Variants in PLAC8L1 observed in about 807,000 individuals in gnomAD.
PLAC8L1 encodes PLAC8 like 1, also known as PLAC8-like protein 1.
PLAC8L1 carries 13 observed loss-of-function variants against 16.3 expected under a neutral mutation model. The observed-to-expected ratio is 0.80, with a 90% CI of 0.52 to 1.27. PLAC8L1 has a LOEUF of 1.27. Among genes scored for constraint, PLAC8L1 ranks in the 50% most tolerant of loss-of-function variants. PLAC8L1 has a pLI of 0.00. For missense variants in PLAC8L1, 184 were observed against 220.2 expected, an observed-to-expected ratio of 0.84 and a Z score of 1.04; for synonymous variants, 78 against 79.3, an observed-to-expected ratio of 0.98 and a Z score of 0.09.
At chr5:146,103,643 A>G in intron 1 of PLAC8L1, 1 of 984,210 alleles carries the variant, frequency 1.0e-6, no homozygotes. Flanking sequence ...CTCAGGAGGC[A>G]GGAGGCTAAC....
At chr5:146,094,053 TAG>T (rs929675079) in intron 2 of PLAC8L1, among the ~76,000 whole-genome samples, 12 of 152,194 alleles carry the variant, frequency 7.9e-5, no homozygotes, top group Non-Finnish European at 1.3e-4. Flanking sequence ...ATTTTGTTTA[TAG>T]ATTTTTGTTG....
intron 2 of PLAC8L1, among the ~76,000 whole-genome samples, chr5:146,088,939 G>A (rs1244055850): frequency 6.6e-6 from 1 of 151,958 alleles, no homozygotes; most frequent in Non-Finnish European, 1.5e-5. Context: ...TTTATGAGTG[G>A]ATTACAAAAT....
chr5:146,104,547 T>C lies in PLAC8L1; in HGVS notation c.-236A>G. On this transcript the variant is annotated 5_prime_UTR_variant, in exon 1 of 4. It adds an upstream start codon to the 5' untranslated region. Transcript: ENST00000311450. ...AATCTGTAGGGAGATATTGCTGGAG[T>C]ATAGAGTAAATAGAAGAAAAAGACT... The C allele has an allele frequency of 2.6e-6, 1 of 382,390 alleles. No individual in the cohort carries two copies. The highest frequency in any genetic ancestry group is 2.8e-5 in the South Asian group (1 of 35,622). 23.7% of individuals were successfully genotyped at this position (382,390 alleles called of 1,614,324 possible).
chr5:146,085,542 A>ATAATGC lies in PLAC8L1; in HGVS notation c.306_311dup (p.His103_Tyr104insTer). The ATAATGC allele has an allele frequency of 6.2e-7, 1 of 1,614,176 alleles. No individual in the cohort carries two copies. Among genetic ancestry groups the ATAATGC allele is most frequent in the Non-Finnish European group, 8.5e-7 (1 of 1,180,034 alleles). ...ACAACGGCCAACAAAGACACTCTCC[A>ATAATGC]TAATGCCTGGCGATGTCACACTCAA... On this transcript the variant is annotated stop_gained, in exon 3 of 4. Transcript: ENST00000311450. LOFTEE classifies it high-confidence loss of function.
At chr5:146,102,180 C>T (rs1157864073) in intron 1 of PLAC8L1, among the ~76,000 whole-genome samples, 2 of 151,862 alleles carry the variant, frequency 1.3e-5, no homozygotes, top group Non-Finnish European at 2.9e-5. Flanking sequence ...CTCAGCCTCT[C>T]AAGTAGCTGG....
chr5:146,098,194 C>G lies in PLAC8L1; in HGVS notation c.218G>C (p.Ser73Thr). 1.9e-6 allele frequency: 3 copies of G among 1,614,072 alleles called. No homozygotes were observed. The highest frequency in any genetic ancestry group is 2.5e-6 in the Non-Finnish European group (3 of 1,179,974). The change falls in exon 2 of 4, where the codon AGC (serine) becomes ACC (threonine). Residue 73 changes from serine (S) to threonine (T), a missense_variant. Physicochemically the swap from Ser to Thr is moderately conservative, Grantham distance 58. Coordinates refer to ENST00000311450, the MANE Select transcript of PLAC8L1 (RefSeq NM_001029869.3). ...TCTGCAGACACTGAAGAGACCGGTG[C>G]TCCAGCCCCCGCCAGTCTGGACAAT... ...TAIVQTGGGW[S>T]TGLFSVCRDR...
chr5:146,096,762 C>T (rs535207280), intron 2 of PLAC8L1, among the ~76,000 whole-genome samples: 7 of 152,294 alleles, frequency 4.6e-5, no homozygotes, highest in Admixed American at 3.3e-4. Context: ...CATGGCTACT[C>T]TAGCTCTCTG....
chr5:146,098,844 T>A (rs1038593879), intron 1 of PLAC8L1, among the ~76,000 whole-genome samples: 3 of 152,188 alleles, frequency 2.0e-5, no homozygotes, highest in African/African-American at 7.2e-5. Context: ...GACTGAAACC[T>A]GGACTAGGCT....
chr5:146,084,611 A>G, intron 3 of PLAC8L1, 39 bp from the exon 4 acceptor site: 2 of 1,609,138 alleles, frequency 1.2e-6, no homozygotes, highest in Non-Finnish European at 1.7e-6. Context: ...GTAGTCACAC[A>G]GGCTCATTTT....
intron 2 of PLAC8L1, 87 bp downstream of exon 2, chr5:146,098,069 C>A: frequency 7.1e-7 from 1 of 1,406,870 alleles, no homozygotes; most frequent in Non-Finnish European, 9.7e-7. Context: ...TAATTTCTGT[C>A]CTTGTGCCTG....
intron 1 of PLAC8L1, among the ~76,000 whole-genome samples, chr5:146,101,598 G>A (rs1002240895): frequency 1.3e-5 from 2 of 152,184 alleles, no homozygotes; most frequent in Admixed American, 1.3e-4. Context: ...TGCATGATAA[G>A]TATTTCTTGG....
At chr5:146,096,710 A>G (rs1243286869) in intron 2 of PLAC8L1, among the ~76,000 whole-genome samples, 1 of 150,854 alleles carries the variant, frequency 6.6e-6, no homozygotes. Context: ...TGAAAGGAAA[A>G]TGGTCCACTT....
intron 2 of PLAC8L1, among the ~76,000 whole-genome samples, chr5:146,093,870 G>C (rs550305539): frequency 3.9e-5 from 6 of 152,170 alleles, no homozygotes; most frequent in Non-Finnish European, 7.4e-5. Context: ...TTACTGCCTG[G>C]TGCTTACAAT....
At chr5:146,103,505 C>T (rs1490256072) in intron 1 of PLAC8L1, among the ~76,000 whole-genome samples, 1 of 152,056 alleles carries the variant, frequency 6.6e-6, no homozygotes, top group Non-Finnish European at 1.5e-5. Flanking sequence ...GGGTAACCAA[C>T]CATTCCAGTT....
At chr5:146,085,128 T>C (rs1290205288) in intron 3 of PLAC8L1, among the ~76,000 whole-genome samples, 1 of 151,788 alleles carries the variant, frequency 6.6e-6, no homozygotes, top group Non-Finnish European at 1.5e-5. Context: ...TAAAAATACA[T>C]CAGTCTGGGC....
chr5:146,098,875 CAT>C (rs1051682393), intron 1 of PLAC8L1, among the ~76,000 whole-genome samples: 5 of 152,280 alleles, frequency 3.3e-5, no homozygotes, highest in African/African-American at 9.6e-5. Flanking sequence ...ACATGGGTAT[CAT>C]TTAAGTGAAT....
At chr5:146,102,207 C>T (rs1312319098) in intron 1 of PLAC8L1, among the ~76,000 whole-genome samples, 1 of 152,006 alleles carries the variant, frequency 6.6e-6, no homozygotes, top group Non-Finnish European at 1.5e-5. Context: ...AGGCACATGC[C>T]ACCATGCCCA....
Position 146,085,538 on chromosome 5 carries a change from C to T in PLAC8L1, c.316G>A (p.Glu106Lys). The T allele has an allele frequency of 6.2e-7, 1 of 1,614,174 alleles. No homozygotes were observed. Among genetic ancestry groups the T allele is most frequent in the South Asian group, 1.1e-5 (1 of 91,078 alleles). Residue 106 changes from glutamate to lysine, a missense_variant, in exon 3 of 4, where the codon GAG (glutamate) becomes AAG (lysine). By Grantham distance (56) the Glu-to-Lys change is moderately conservative. Transcript: ENST00000311450. ...GGTAACAACGGCCAACAAAGACACTCTCCATAATGCCTGGCGATGTCACAC... is the reference window on the plus strand; with the variant it reads ...GGTAACAACGGCCAACAAAGACACTTTCCATAATGCCTGGCGATGTCACAC... ...LECDIARHYG[E>K]CLCWPLLPGS... is the part of the protein sequence containing the mutation.
At position 146,098,171 on chromosome 5, in the gene PLAC8L1, T is replaced by C; in HGVS notation, c.241A>G (p.Arg81Gly). 4 of 1,613,576 alleles carry C rather than the reference T, an allele frequency of 2.5e-6. No homozygotes were observed. Among genetic ancestry groups the C allele is most frequent in the Non-Finnish European group, 3.4e-6 (4 of 1,179,672 alleles). The change falls in exon 2 of 4, where the codon AGA (arginine) becomes GGA (glycine). Residue 81 changes from arginine to glycine, a missense_variant. Transcript: ENST00000311450. ...GWSTGLFSVC[R>G]DRRICFCGLF... ...AAAAACTTACAAATTCTCCTATCTC[T>C]GCAGACACTGAAGAGACCGGTGCTC...
Sources: gnomAD v4.1 joint callset for allele counts (sites outside exome capture counted in the v4.1 genomes callset) on GRCh38, gnomAD v4.1.1 for gene constraint, MANE v1.5 for transcripts, NCBI Gene and HGNC (gene_info 2026-07-23, HGNC 2026-07-21) for gene names.